PHACTR1: variants seen among roughly 807,000 people sequenced by gnomAD.
PHACTR1 encodes phosphatase and actin regulator 1.
A neutral mutation model predicts 69.2 loss-of-function variants in PHACTR1; 16 were observed. The ratio of observed to expected loss-of-function variants is 0.23; its 90% CI spans 0.16 to 0.35. PHACTR1 has a LOEUF of 0.35. Among genes scored for constraint, PHACTR1 ranks in the 10% least tolerant of loss-of-function variants. PHACTR1 has a pLI of 1.00. For missense variants in PHACTR1, 510 were observed against 734.7 expected, an observed-to-expected ratio of 0.69 and a Z score of 3.54; for synonymous variants, 312 against 284.5, an observed-to-expected ratio of 1.10 and a Z score of -0.97.
At chr6:13,121,681 A>G (rs1467104683) in intron 5 of PHACTR1, among the ~76,000 whole-genome samples, 1 of 152,230 alleles carries the variant, frequency 6.6e-6, no homozygotes, top group South Asian at 2.1e-4. Flanking sequence ...GTTTCCAGCA[A>G]ATAGATCTGG....
intron 4 of PHACTR1, among the ~76,000 whole-genome samples, chr6:12,993,761 C>G: frequency 6.6e-6 from 1 of 152,202 alleles, no homozygotes; most frequent in South Asian, 2.1e-4. Context: ...TTTTTAGTAC[C>G]CAGAGGATTT....
chr6:13,242,724 G>A (rs934024519), intron 10 of PHACTR1, among the ~76,000 whole-genome samples: 1 of 152,142 alleles, frequency 6.6e-6, no homozygotes, highest in African/African-American at 2.4e-5. Flanking sequence ...CTACAACTGA[G>A]AAATCACAAA....
intron 5 of PHACTR1, among the ~76,000 whole-genome samples, chr6:13,124,610 C>G: frequency 6.6e-6 from 1 of 152,190 alleles, no homozygotes; most frequent in East Asian, 1.9e-4. Flanking sequence ...GACACAAACC[C>G]ATGTTTGTTA....
chr6:12,987,214 A>G (rs1402390354), intron 4 of PHACTR1, among the ~76,000 whole-genome samples: 1 of 152,162 alleles, frequency 6.6e-6, no homozygotes, highest in African/African-American at 2.4e-5. Context: ...GAGAGATAAG[A>G]AAGGCCTTTT....
intron 10 of PHACTR1, among the ~76,000 whole-genome samples, chr6:13,247,543 A>G (rs894027008): frequency 1.8e-4 from 27 of 152,022 alleles, no homozygotes; most frequent in African/African-American, 6.0e-4. Context: ...ACGGGGTTTT[A>G]CCACATTGGC....
chr6:13,250,317 C>G lies in PHACTR1; in HGVS notation c.1391+20124C>G, dbSNP rs551584469. Among the ~76,000 whole-genome samples, 18 of 152,340 alleles carry G rather than the reference C, an allele frequency of 1.2e-4. No homozygotes were observed. The South Asian group carries it at 3.1e-3, about 26-fold the overall frequency. On this transcript the variant is annotated intron_variant, in intron 10 of 14. Transcript: ENST00000332995. ...AAGAAACTAAATTCATCCTCACACA[C>G]ATAGGGATTTCCTTTGTGCTCATTA...
At chr6:13,193,029 G>T (rs1387583554) in intron 7 of PHACTR1, among the ~76,000 whole-genome samples, 1 of 152,094 alleles carries the variant, frequency 6.6e-6, no homozygotes, top group African/African-American at 2.4e-5. Context: ...CCCCTTTAAA[G>T]AGTAGCAGTT....
intron 4 of PHACTR1, among the ~76,000 whole-genome samples, chr6:12,785,125 A>G (rs1771382220): frequency 6.6e-6 from 1 of 152,178 alleles, no homozygotes; most frequent in African/African-American, 2.4e-5. Flanking sequence ...ACAGCAAAAG[A>G]AAGAGAAAAG....
At chr6:12,872,734 C>T (rs1160337742) in intron 4 of PHACTR1, among the ~76,000 whole-genome samples, 2 of 152,178 alleles carry the variant, frequency 1.3e-5, no homozygotes, top group East Asian at 3.9e-4. Flanking sequence ...CATTCGTGTT[C>T]ATCACCACAG....
chr6:13,240,041 A>C (rs905620020), intron 10 of PHACTR1, among the ~76,000 whole-genome samples: 1 of 148,500 alleles, frequency 6.7e-6, no homozygotes, highest in African/African-American at 2.6e-5. Flanking sequence ...TAAACTTGCA[A>C]AGTTTCTTTA....
At chr6:13,076,027 C>CTT (rs398000515) in intron 5 of PHACTR1, among the ~76,000 whole-genome samples, 20,482 of 101,186 alleles carry the variant, frequency 0.2, 1,861 homozygotes, top group South Asian at 0.4. Context: ...AAGGGAGCAT[C>CTT]TTTTTTTTTT....
intron 6 of PHACTR1, among the ~76,000 whole-genome samples, chr6:13,177,172 T>TAAAAAAAAAAAAAAAAAAAAAA (rs530741132): frequency 7.9e-5 from 5 of 63,366 alleles, no homozygotes; most frequent in East Asian, 1.3e-3. Flanking sequence ...ACCCCATCTC[T>TAAAAAAAAAAAAAAAAAAAAAA]AAAAAAAAAA....
chr6:13,287,238 G>A lies in PHACTR1; in HGVS notation c.*160G>A. ...CAAGGAAACACAATCAGGATTTTAT[G>A]TGTGAAAACGCAAAAGTGATGGCTC... On this transcript the variant is annotated 3_prime_UTR_variant, in exon 15 of 15. Coordinates refer to ENST00000332995, the MANE Select transcript of PHACTR1 (RefSeq NM_030948.6). 2 of 789,318 alleles carry A rather than the reference G, an allele frequency of 2.5e-6. No individual in the cohort carries two copies. Among genetic ancestry groups the A allele is most frequent in the Non-Finnish European group, 3.9e-6 (2 of 508,154 alleles). The allele number at this position is 789,318 out of a possible 1,614,324, so 48.9% of individuals were successfully genotyped here.
chr6:13,031,705 T>C (rs1802481599), intron 4 of PHACTR1, among the ~76,000 whole-genome samples: 1 of 152,250 alleles, frequency 6.6e-6, no homozygotes, highest in Non-Finnish European at 1.5e-5. Flanking sequence ...TGAAACAAGT[T>C]CATTTATTTT....
chr6:13,107,086 T>TTCTC lies in PHACTR1; in HGVS notation c.416-53102_416-53099dup, dbSNP rs35821925. Among the ~76,000 whole-genome samples the TTCTC allele has an allele frequency of 2.9e-4, 44 of 150,652 alleles. No individual in the cohort carries two copies. The East Asian group carries it at 6.2e-3, about 21-fold the overall frequency. On this transcript the variant is annotated intron_variant, in intron 5 of 14. Coordinates refer to ENST00000332995, the MANE Select transcript of PHACTR1 (RefSeq NM_030948.6). ...ATAAAATGAGTTAGGAGATGTTTCC[T>TTCTC]TCTCTCTCTCTCTCTCTCTTTTACT...
intron 4 of PHACTR1, among the ~76,000 whole-genome samples, chr6:12,988,169 G>A (rs541221319): frequency 6.6e-6 from 1 of 152,196 alleles, no homozygotes; most frequent in Non-Finnish European, 1.5e-5. Context: ...GGGTCCATTT[G>A]CAGTACATAT....
intron 9 of PHACTR1, among the ~76,000 whole-genome samples, chr6:13,228,335 G>C (rs1038891458): frequency 2.2e-4 from 33 of 152,038 alleles, no homozygotes; most frequent in African/African-American, 7.5e-4. Flanking sequence ...TGGCTTCTTT[G>C]TTGCTTCTCT....
chr6:12,844,686 G>A (rs1561937913), intron 4 of PHACTR1, among the ~76,000 whole-genome samples: 7 of 151,944 alleles, frequency 4.6e-5, no homozygotes, highest in Non-Finnish European at 7.4e-5. Flanking sequence ...TGGAACATCC[G>A]CCTTCTGGAG....
intron 4 of PHACTR1, among the ~76,000 whole-genome samples, chr6:12,827,551 C>A (rs1028860804): frequency 6.6e-6 from 1 of 152,174 alleles, no homozygotes; most frequent in Non-Finnish European, 1.5e-5. Context: ...AAATGACCAC[C>A]ACATCAGTGT....
Sources: allele counts gnomAD v4.1 joint callset (sites outside exome capture counted in the v4.1 genomes callset), GRCh38; gene constraint gnomAD v4.1.1; transcripts MANE v1.5; gene names NCBI Gene and HGNC (gene_info 2026-07-23, HGNC 2026-07-21).